The following TXNRD2 variants were observed in gnomAD, a reference collection of about 807,000 sequenced individuals.
The protein encoded by TXNRD2 is thioredoxin reductase 2, mitochondrial.
A neutral mutation model predicts 70.8 loss-of-function variants in TXNRD2; 67 were observed. The ratio of observed to expected loss-of-function variants is 0.95; its 90% CI spans 0.78 to 1.16. The LOEUF is 1.16. Ranked by LOEUF, TXNRD2 falls within the 50% of genes most tolerant of loss-of-function variation. TXNRD2 has a pLI of 0.00. For missense variants in TXNRD2, 644 were observed against 719.9 expected (o/e 0.89, Z 1.21); for synonymous variants, 301 against 295.8 (o/e 1.02, Z -0.18).
At chr22:19,880,420 G>T in intron 13 of TXNRD2, 149 bp from the exon 14 acceptor site, 1 of 930,874 alleles carries the variant, frequency 1.1e-6, no homozygotes, top group Non-Finnish European at 1.7e-6. Context: ...ACCTGCCCAC[G>T]CCTGCGCCAC....
chr22:19,906,117 C>G (rs944452271), intron 8 of TXNRD2, among the ~76,000 whole-genome samples: 1 of 151,974 alleles, frequency 6.6e-6, no homozygotes, highest in South Asian at 2.1e-4. Flanking sequence ...CACAAACCAG[C>G]TGGAGGGTAA....
chr22:19,896,742 C>T (rs1254896446), intron 10 of TXNRD2, among the ~76,000 whole-genome samples: 1 of 152,242 alleles, frequency 6.6e-6, no homozygotes, highest in South Asian at 2.1e-4. Context: ...GAAAAACAGT[C>T]ACTGCTAACA....
In TXNRD2 at chr22:19,905,258, C is replaced by A. The variant is rs987814442; in HGVS notation, c.662+6119G>T. Reference sequence around the variant, plus strand: ...CTCAGAATGAAACGGGTGACTGATACATTGCAAACACTTTTTTTCTTAAAC... The same window carrying A: ...CTCAGAATGAAACGGGTGACTGATAAATTGCAAACACTTTTTTTCTTAAAC... On this transcript the variant is annotated intron_variant, in intron 8 of 17. Coordinates refer to ENST00000400521, the MANE Select transcript of TXNRD2 (RefSeq NM_006440.5). 4.6e-5 allele frequency among the ~76,000 whole-genome samples: 7 copies of A among 152,202 alleles called. No homozygotes were observed. The East Asian group carries it at 1.3e-3, about 29-fold the overall frequency.
chr22:19,882,479 A>G (rs1041332872), intron 12 of TXNRD2, among the ~76,000 whole-genome samples: 1 of 152,118 alleles, frequency 6.6e-6, no homozygotes, highest in Non-Finnish European at 1.5e-5. Context: ...GATTACAAGC[A>G]TGAGACACTG....
At position 19,880,227 on chromosome 22, in the gene TXNRD2, C is replaced by A; in HGVS notation, c.1227G>T (p.Gly409=). The change falls in exon 14 of 18, where the codon GGG becomes GGT. Residue 409 remains glycine (G), a synonymous_variant. Coordinates refer to ENST00000400521, the MANE Select transcript of TXNRD2 (RefSeq NM_006440.5). ...VFTPLEYGCV[G]LSEEEAVARH... The stretch of plus-strand genomic sequence containing the variant: ...GAGCCACTGCCTCCTCCTCGGACAG[C>A]CCCACACAGCCATACTCCAGCGGGG... 6.2e-7 allele frequency: 1 copy of A among 1,613,758 alleles called. No individual in the cohort carries two copies. The highest frequency in any genetic ancestry group is 8.5e-7 in the Non-Finnish European group (1 of 1,180,012).
Position 19,898,146 on chromosome 22 carries a change from TA to T in TXNRD2, c.683-17del. ...AGGGCCACATCTGTGGGGTGCCAGC[TA>T]AGGAGCACTGTAGATCCCAATTTTG... On this transcript the variant is annotated splice_polypyrimidine_tract_variant and intron_variant, in intron 9 of 17. Transcript: ENST00000400521. 6.4e-7 allele frequency: 1 copy of T among 1,553,310 alleles called. No homozygotes were observed. The highest frequency in any genetic ancestry group is 8.7e-7 in the Non-Finnish European group (1 of 1,148,204).
chr22:19,919,025 A>G (rs1179870078), intron 3 of TXNRD2, 21 bp from the exon 4 acceptor site: 1 of 1,603,468 alleles, frequency 6.2e-7, no homozygotes, highest in Admixed American at 1.7e-5. Flanking sequence ...GGAAGAGCAC[A>G]TTTGAATTTA....
At chr22:19,937,503 G>A (rs185542759) in intron 1 of TXNRD2, among the ~76,000 whole-genome samples, 3 of 152,242 alleles carry the variant, frequency 2.0e-5, no homozygotes, top group East Asian at 3.9e-4. Context: ...TAAAATGGCC[G>A]TGCATTCCAT....
At chr22:19,925,112 G>A (rs1382147345) in intron 2 of TXNRD2, among the ~76,000 whole-genome samples, 4 of 151,428 alleles carry the variant, frequency 2.6e-5, no homozygotes, top group African/African-American at 4.9e-5. Flanking sequence ...GCGAAGCCCC[G>A]TTTCTACTAA....
chr22:19,897,113 C>T (rs760507684), intron 10 of TXNRD2, among the ~76,000 whole-genome samples: 1 of 152,200 alleles, frequency 6.6e-6, no homozygotes, highest in Non-Finnish European at 1.5e-5. Context: ...CCACAGGGCT[C>T]GGTGGGTTTG....
chr22:19,930,199 C>G (rs113551000), intron 2 of TXNRD2, among the ~76,000 whole-genome samples: 9 of 152,308 alleles, frequency 5.9e-5, no homozygotes, highest in African/African-American at 2.2e-4. Context: ...TAGTGGATTT[C>G]TTTTACACCA....
chr22:19,938,807 C>T (rs1941611260), intron 1 of TXNRD2, among the ~76,000 whole-genome samples: 1 of 152,078 alleles, frequency 6.6e-6, no homozygotes, highest in South Asian at 2.1e-4. Context: ...CGGTCCAAAA[C>T]GTGAAAAAAT....
chr22:19,888,666 G>A (rs918894544), intron 11 of TXNRD2, among the ~76,000 whole-genome samples: 1 of 152,130 alleles, frequency 6.6e-6, no homozygotes, highest in Non-Finnish European at 1.5e-5. Context: ...CTCCAGGGCC[G>A]GTGGGCGATG....
At chr22:19,925,538 T>C (rs1461835967) in intron 2 of TXNRD2, among the ~76,000 whole-genome samples, 1 of 151,874 alleles carries the variant, frequency 6.6e-6, no homozygotes, top group Non-Finnish European at 1.5e-5. Context: ...ACAAAAATAA[T>C]AATGATGTAT....
intron 1 of TXNRD2, among the ~76,000 whole-genome samples, chr22:19,936,499 C>T (rs926092294): frequency 2.0e-5 from 3 of 152,176 alleles, no homozygotes; most frequent in African/African-American, 4.8e-5. Flanking sequence ...CAAACCTTTA[C>T]AGTCTTTGCC....
intron 8 of TXNRD2, among the ~76,000 whole-genome samples, chr22:19,906,757 A>G (rs1252671372): frequency 6.6e-6 from 1 of 152,228 alleles, no homozygotes; most frequent in African/African-American, 2.4e-5. Context: ...AGTGGGTCCA[A>G]TGGAAGGCAG....
At chr22:19,936,503 C>T (rs958078922) in intron 1 of TXNRD2, among the ~76,000 whole-genome samples, 9 of 152,164 alleles carry the variant, frequency 5.9e-5, no homozygotes, top group Admixed American at 6.5e-5. Context: ...CCTTTACAGT[C>T]TTTGCCTCCG....
At chr22:19,924,922 G>T (rs1213253128) in intron 2 of TXNRD2, among the ~76,000 whole-genome samples, 1 of 150,324 alleles carries the variant, frequency 6.7e-6, no homozygotes, top group Non-Finnish European at 1.5e-5. Flanking sequence ...AATAGTAGCA[G>T]ATTTCTCACT....
At chr22:19,927,726 T>A (rs2146080840) in intron 2 of TXNRD2, among the ~76,000 whole-genome samples, 1 of 148,060 alleles carries the variant, frequency 6.8e-6, no homozygotes, top group Non-Finnish European at 1.5e-5. Context: ...ATTCATAGGA[T>A]GCAAAACTAT....
Sources: gnomAD v4.1 joint callset for allele counts (sites outside exome capture counted in the v4.1 genomes callset) on GRCh38, gnomAD v4.1.1 for gene constraint, MANE v1.5 for transcripts, NCBI Gene and HGNC (gene_info 2026-07-23, HGNC 2026-07-21) for gene names.